The following STAU2 variants were observed in gnomAD, a reference collection of about 807,000 sequenced individuals.
The protein encoded by STAU2 is staufen double-stranded RNA binding protein 2, also known as double-stranded RNA-binding protein Staufen homolog 2.
STAU2 carries 20 observed loss-of-function variants against 65.9 expected under a neutral mutation model. The observed-to-expected ratio is 0.30, with a 90% CI of 0.21 to 0.44. The LOEUF (loss-of-function observed/expected upper bound fraction) is 0.44. Ranked by LOEUF, STAU2 falls within the 20% of genes least tolerant of loss-of-function variation. STAU2 has a pLI of 1.00. For missense variants in STAU2, 558 were observed against 683.9 expected, an observed-to-expected ratio of 0.82 and a Z score of 2.05; for synonymous variants, 232 against 233.9, an observed-to-expected ratio of 0.99 and a Z score of 0.07.
rs536612695 is a variant in STAU2 at position 73,685,850 on chromosome 8, TAC to T, written c.274+2802_274+2803del. 3.0e-4 allele frequency among the ~76,000 whole-genome samples: 46 copies of T among 152,306 alleles called. No homozygotes were observed. In the South Asian group the frequency reaches 9.1e-3, roughly 30 times the overall value. On this transcript the variant is annotated intron_variant, in intron 5 of 14. Transcript: ENST00000524300. ...TCATTATATGAAAGAGACACTTGTA[TAC>T]ACATGTTTATAGCAGCACAATTCAC...
chr8:73,575,402 A>G (rs1350039752), intron 12 of STAU2, among the ~76,000 whole-genome samples: 3 of 152,196 alleles, frequency 2.0e-5, no homozygotes, highest in African/African-American at 7.2e-5. Context: ...AGAGACGTAA[A>G]CTGCTGTCTA....
chr8:73,481,524 A>AC (rs1820629555), intron 13 of STAU2, among the ~76,000 whole-genome samples: 1 of 150,152 alleles, frequency 6.7e-6, no homozygotes, highest in African/African-American at 2.4e-5. Context: ...AACAAAAAAA[A>AC]AAAACACTTT....
At chr8:73,424,263 C>T (rs1247204957) in intron 13 of STAU2, among the ~76,000 whole-genome samples, 5 of 143,994 alleles carry the variant, frequency 3.5e-5, no homozygotes, top group East Asian at 2.1e-4. Flanking sequence ...TGCAGTGGCA[C>T]GATCTGGGCT....
At chr8:73,460,597 C>T (rs995929948) in intron 13 of STAU2, among the ~76,000 whole-genome samples, 8 of 152,158 alleles carry the variant, frequency 5.3e-5, no homozygotes, top group African/African-American at 1.9e-4. Flanking sequence ...TTGTTCTCTG[C>T]TAAGGCTCTG....
intron 13 of STAU2, among the ~76,000 whole-genome samples, chr8:73,448,472 G>T (rs1361942307): frequency 6.6e-6 from 1 of 151,992 alleles, no homozygotes; most frequent in African/African-American, 2.4e-5. Context: ...TAGTAGAGAC[G>T]GGGTTTCACC....
chr8:73,501,447 TTA>T (rs750211041), intron 13 of STAU2, among the ~76,000 whole-genome samples: 55 of 152,074 alleles, frequency 3.6e-4, no homozygotes, highest in Non-Finnish European at 7.1e-4. Flanking sequence ...TTTGTTGCTA[TTA>T]TGTTATACAC....
intron 12 of STAU2, among the ~76,000 whole-genome samples, chr8:73,576,820 T>C (rs1238113904): frequency 6.6e-6 from 1 of 152,184 alleles, no homozygotes; most frequent in Non-Finnish European, 1.5e-5. Context: ...TTTCTCCTTA[T>C]GCTTACTGTA....
intron 3 of STAU2, among the ~76,000 whole-genome samples, chr8:73,729,728 G>C (rs1805910334): frequency 6.6e-6 from 1 of 152,090 alleles, no homozygotes; most frequent in African/African-American, 2.4e-5. Flanking sequence ...CTGTTCACTT[G>C]TAAGTCTGTT....
chr8:73,553,298 C>T (rs1807472168), intron 12 of STAU2, among the ~76,000 whole-genome samples: 1 of 152,162 alleles, frequency 6.6e-6, no homozygotes, highest in Non-Finnish European at 1.5e-5. Flanking sequence ...ACTTAATTTC[C>T]TGTTCTTGCC....
intron 13 of STAU2, among the ~76,000 whole-genome samples, chr8:73,447,363 T>C (rs1270736158): frequency 6.6e-6 from 1 of 152,226 alleles, no homozygotes; most frequent in African/African-American, 2.4e-5. Flanking sequence ...CTTGGACATC[T>C]TTTCAAGACA....
At chr8:73,485,740 AG>A (rs1820877905) in intron 13 of STAU2, among the ~76,000 whole-genome samples, 1 of 152,214 alleles carries the variant, frequency 6.6e-6, no homozygotes, top group East Asian at 1.9e-4. Flanking sequence ...AGGCTGAGGC[AG>A]GAGGACTACT....
At chr8:73,685,914 A>G (rs1004726489) in intron 5 of STAU2, among the ~76,000 whole-genome samples, 2 of 152,224 alleles carry the variant, frequency 1.3e-5, no homozygotes, top group Non-Finnish European at 2.9e-5. Context: ...AATGCCCACC[A>G]ATCAACGAAC....
chr8:73,492,586 C>T (rs1165878151), intron 13 of STAU2, among the ~76,000 whole-genome samples: 2 of 151,832 alleles, frequency 1.3e-5, no homozygotes, highest in East Asian at 1.9e-4. Context: ...ACACAAACCT[C>T]TTAGGACCCA....
At chr8:73,573,465 A>G (rs1809265837) in intron 12 of STAU2, among the ~76,000 whole-genome samples, 1 of 152,236 alleles carries the variant, frequency 6.6e-6, no homozygotes, top group South Asian at 2.1e-4. Flanking sequence ...AGCCAAAAGA[A>G]CAAAGCTGGA....
intron 6 of STAU2, among the ~76,000 whole-genome samples, chr8:73,637,767 A>G (rs1814657562): frequency 6.6e-6 from 1 of 151,996 alleles, no homozygotes; most frequent in African/African-American, 2.4e-5. Flanking sequence ...AATGATAGAT[A>G]TGTGGGCAAA....
chr8:73,568,959 T>C (rs767544787), intron 12 of STAU2, among the ~76,000 whole-genome samples: 4 of 152,056 alleles, frequency 2.6e-5, no homozygotes, highest in Non-Finnish European at 4.4e-5. Flanking sequence ...ACCAGGTTCA[T>C]CTCACTGGGG....
At chr8:73,627,211 G>A (rs899436838) in intron 6 of STAU2, among the ~76,000 whole-genome samples, 1 of 44,980 alleles carries the variant, frequency 2.2e-5, no homozygotes, top group Non-Finnish European at 5.4e-5. Context: ...AATACGGCGG[G>A]GGGGGGGGGG....
chr8:73,532,761 C>T (rs570982220), intron 13 of STAU2, among the ~76,000 whole-genome samples: 6 of 152,314 alleles, frequency 3.9e-5, no homozygotes, highest in African/African-American at 1.4e-4. Flanking sequence ...GCCTCCACAA[C>T]CACTCCCTTT....
At position 73,703,361 on chromosome 8, in the gene STAU2, C is replaced by CA. The variant is rs556122602; in HGVS notation, c.114+5670_114+5671insT. Among the ~76,000 whole-genome samples the CA allele has an allele frequency of 5.9e-3, 897 of 152,216 alleles. 5 individuals are homozygous for CA. The highest frequency in any genetic ancestry group is 0.01 in the Non-Finnish European group (703 of 68,010). ...TGATTGGAAGCATCCTGAGGCCCCCCCAAAAGCAGATGCTGCTATGCTTCC... is the reference window on the plus strand; with the variant it reads ...TGATTGGAAGCATCCTGAGGCCCCCCACAAAAGCAGATGCTGCTATGCTTCC... On this transcript the variant is annotated intron_variant, in intron 4 of 14. Transcript: ENST00000524300.
Sources: allele counts gnomAD v4.1 joint callset (sites outside exome capture counted in the v4.1 genomes callset), GRCh38; gene constraint gnomAD v4.1.1; transcripts MANE v1.5; gene names NCBI Gene and HGNC (gene_info 2026-07-23, HGNC 2026-07-21).